Variants in ANO1 observed in about 807,000 individuals in gnomAD.
ANO1 encodes anoctamin 1, also known as anoctamin-1.
In ANO1, 59 loss-of-function variants were observed where a neutral mutation model predicts 124.0. The observed-to-expected ratio is 0.48, with a 90% CI of 0.39 to 0.59. The LOEUF (loss-of-function observed/expected upper bound fraction) is 0.59. Among genes scored for constraint, ANO1 ranks in the 20% least tolerant of loss-of-function variants. ANO1 has a pLI of 0.00. For missense variants in ANO1, 1,059 were observed against 1,328.0 expected (o/e 0.80, Z 3.15); for synonymous variants, 529 against 532.0 (o/e 0.99, Z 0.08).
At chr11:70,153,629 A>G (rs1182298060) in intron 14 of ANO1, among the ~76,000 whole-genome samples, 1 of 152,166 alleles carries the variant, frequency 6.6e-6, no homozygotes, top group Non-Finnish European at 1.5e-5. Context: ...CATGTTTTGC[A>G]ATGTTCTTGA....
chr11:70,000,717 AT>A (rs1856367667), intron 1 of ANO1, among the ~76,000 whole-genome samples: 1 of 152,000 alleles, frequency 6.6e-6, no homozygotes, highest in Admixed American at 6.6e-5. Context: ...CCCCAGTAGC[AT>A]TGTTCATGAT....
chr11:70,155,821 C>T, intron 14 of ANO1, 90 bp from the exon 15 acceptor site: 1 of 1,261,222 alleles, frequency 7.9e-7, no homozygotes, highest in Non-Finnish European at 1.1e-6. Context: ...AGCCTGCTGC[C>T]AAGATGGGGA....
At chr11:70,008,754 TG>T (rs1258105962) in intron 1 of ANO1, among the ~76,000 whole-genome samples, 1 of 152,198 alleles carries the variant, frequency 6.6e-6, no homozygotes, top group Non-Finnish European at 1.5e-5. Context: ...TTAGATTTTG[TG>T]GCACATGATG....
chr11:70,145,538 G>A (rs1285869678), intron 11 of ANO1, among the ~76,000 whole-genome samples: 1 of 152,124 alleles, frequency 6.6e-6, no homozygotes, highest in Non-Finnish European at 1.5e-5. Flanking sequence ...CAGCCGCCAG[G>A]TTACATTCTA....
chr11:69,988,971 G>A (rs1856101248), intron 1 of ANO1, among the ~76,000 whole-genome samples: 1 of 151,928 alleles, frequency 6.6e-6, no homozygotes, highest in Admixed American at 6.6e-5. Flanking sequence ...GAAATAGACA[G>A]GGAAGGAGGG....
At chr11:70,061,440 T>C (rs115149355) in intron 1 of ANO1, among the ~76,000 whole-genome samples, 1,978 of 151,914 alleles carry the variant, frequency 0.013, 16 homozygotes, top group Non-Finnish European at 0.016. Context: ...TTTTGCCTCC[T>C]CTTTTCTCTC....
In ANO1 at chr11:70,096,601, C is replaced by G. The variant is rs140440550; in HGVS notation, c.442-6465C>G. 5.5e-3 allele frequency among the ~76,000 whole-genome samples: 843 copies of G among 152,292 alleles called. 7 individuals carry two copies. Among genetic ancestry groups the G allele is most frequent in the Non-Finnish European group, 8.5e-3 (581 of 68,030 alleles). ...TTCAGCCGGGAGCGGTGGCTCATGC[C>G]TGTAATCCCACCACTTTGGGAGGCT... is the stretch of plus-strand genomic sequence containing the variant. On this transcript the variant is annotated intron_variant, in intron 2 of 25. Coordinates refer to ENST00000355303, the MANE Select transcript of ANO1 (RefSeq NM_018043.7).
At chr11:70,075,335 C>A (rs191595745), upstream of ANO1, 1 of 152,304 alleles carries the variant, frequency 6.6e-6, no homozygotes, top group South Asian at 2.1e-4. Context: ...ATGCTTGCAT[C>A]CCCGGTGACT....
chr11:70,019,551 C>T (rs1300105866), intron 1 of ANO1, among the ~76,000 whole-genome samples: 1 of 80,490 alleles, frequency 1.2e-5, no homozygotes, highest in Non-Finnish European at 2.7e-5. Flanking sequence ...GGACTCAGCT[C>T]ACCCGAGCCA....
intron 1 of ANO1, among the ~76,000 whole-genome samples, chr11:70,039,000 AG>A: frequency 6.6e-6 from 1 of 152,298 alleles, no homozygotes; most frequent in South Asian, 2.1e-4. Context: ...TCAGGGAAAA[AG>A]GATACAGGCA....
At chr11:70,097,610 A>G (rs1394695849) in intron 2 of ANO1, among the ~76,000 whole-genome samples, 1 of 152,158 alleles carries the variant, frequency 6.6e-6, no homozygotes, top group Non-Finnish European at 1.5e-5. Flanking sequence ...TCTACTGTTC[A>G]TGGGCCTGGG....
At chr11:70,172,581 G>A (rs12420027) in intron 22 of ANO1, among the ~76,000 whole-genome samples, 15,007 of 152,132 alleles carry the variant, frequency 0.099, 822 homozygotes, top group Middle Eastern at 0.2. Flanking sequence ...AGAAAATGTG[G>A]GAAATTGACC....
At chr11:70,179,290 CG>C (rs1379425698) in intron 22 of ANO1, among the ~76,000 whole-genome samples, 1 of 152,150 alleles carries the variant, frequency 6.6e-6, no homozygotes, top group African/African-American at 2.4e-5. Flanking sequence ...TAGGGTGAGG[CG>C]GGGGTCAGCC....
At chr11:70,157,268 G>A (rs2047851949) in intron 16 of ANO1, among the ~76,000 whole-genome samples, 2 of 151,694 alleles carry the variant, frequency 1.3e-5, no homozygotes, top group South Asian at 4.1e-4. Context: ...TCAGGAGGCT[G>A]AGGCAGGACA....
At chr11:70,134,606 G>A (rs901217161) in intron 11 of ANO1, among the ~76,000 whole-genome samples, 2 of 152,180 alleles carry the variant, frequency 1.3e-5, no homozygotes, top group Non-Finnish European at 2.9e-5. Flanking sequence ...AAACCTATAC[G>A]AGAGTGTGCG....
chr11:70,156,514 T>C (rs1337877508), intron 15 of ANO1, among the ~76,000 whole-genome samples: 1 of 152,166 alleles, frequency 6.6e-6, no homozygotes, highest in Non-Finnish European at 1.5e-5. Flanking sequence ...TGTTTCAACT[T>C]GCTCCACAAA....
At chr11:70,170,713 G>C (rs1373377602) in intron 21 of ANO1, among the ~76,000 whole-genome samples, 174 bp from the exon 22 acceptor site, 1 of 152,188 alleles carries the variant, frequency 6.6e-6, no homozygotes, top group East Asian at 1.9e-4. Context: ...CAGGGTCATG[G>C]AGGGTCCATC....
chr11:70,008,510 A>G (rs992809002), intron 1 of ANO1, among the ~76,000 whole-genome samples: 1 of 152,120 alleles, frequency 6.6e-6, no homozygotes, highest in South Asian at 2.1e-4. Context: ...TCCTTTTCCC[A>G]TTGAGTGGTC....
intron 1 of ANO1, among the ~76,000 whole-genome samples, chr11:70,032,548 C>T (rs1857021039): frequency 6.7e-6 from 1 of 149,982 alleles, no homozygotes; most frequent in African/African-American, 2.4e-5. Context: ...GGGGGGGTCT[C>T]TGAAGGGTAG....
Sources: gnomAD v4.1 joint callset for allele counts (sites outside exome capture counted in the v4.1 genomes callset) on GRCh38, gnomAD v4.1.1 for gene constraint, MANE v1.5 for transcripts, NCBI Gene and HGNC (gene_info 2026-07-23, HGNC 2026-07-21) for gene names.